LIMCH1: variants seen among roughly 807,000 people sequenced by gnomAD.
LIMCH1 encodes LIM and calponin homology domains 1, also known as LIM and calponin homology domains-containing protein 1.
LIMCH1 carries 113 observed loss-of-function variants against 176.5 expected under a neutral mutation model. That is an observed-to-expected ratio of 0.64 (90% CI 0.55 to 0.75). The LOEUF is 0.75. LIMCH1 is among the 30% of genes least tolerant of loss of function. LIMCH1 has a pLI of 0.00. For missense variants in LIMCH1, 1,674 were observed against 1,814.9 expected, an observed-to-expected ratio of 0.92 and a Z score of 1.41; for synonymous variants, 619 against 645.9, an observed-to-expected ratio of 0.96 and a Z score of 0.63.
chr4:41,647,915 A>C (rs776087604), intron 17 of LIMCH1, among the ~76,000 whole-genome samples: 14 of 152,224 alleles, frequency 9.2e-5, no homozygotes, highest in Non-Finnish European at 1.9e-4. Context: ...GGCAGGGGCC[A>C]TGTCTCTGTC....
intron 1 of LIMCH1, among the ~76,000 whole-genome samples, chr4:41,591,461 C>G (rs556188092): frequency 4.2e-4 from 64 of 152,262 alleles, no homozygotes; most frequent in African/African-American, 1.3e-3. Context: ...CCAGGCTGGT[C>G]TTGAACTTCT....
chr4:41,533,553 A>C (rs2077554434), upstream of LIMCH1, among the ~76,000 whole-genome samples: 2 of 152,208 alleles, frequency 1.3e-5, no homozygotes, highest in Admixed American at 6.5e-5. Flanking sequence ...TCTTCTGCAC[A>C]TATATACCAA....
At chr4:41,393,840 T>C (rs1334264848) in intron 1 of LIMCH1, among the ~76,000 whole-genome samples, 1 of 152,218 alleles carries the variant, frequency 6.6e-6, no homozygotes, top group Non-Finnish European at 1.5e-5. Flanking sequence ...AAAAATTTCT[T>C]TTATTCAAAA....
intron 7 of LIMCH1, among the ~76,000 whole-genome samples, chr4:41,624,474 C>T (rs1360693913): frequency 6.6e-6 from 1 of 151,812 alleles, no homozygotes; most frequent in Non-Finnish European, 1.5e-5. Context: ...ACCAGTCAGG[C>T]ACATAACTTG....
At chr4:41,399,840 A>ATTTTTCTT (rs765832457) in intron 1 of LIMCH1, among the ~76,000 whole-genome samples, 1 of 114,134 alleles carries the variant, frequency 8.8e-6, no homozygotes, top group Non-Finnish European at 1.7e-5. Flanking sequence ...TGCCCGGCTA[A>ATTTTTCTT]TTTTTTTTTT....
chr4:41,400,858 G>T (rs879723918), intron 1 of LIMCH1, among the ~76,000 whole-genome samples: 13 of 152,166 alleles, frequency 8.5e-5, no homozygotes, highest in Non-Finnish European at 1.9e-4. Flanking sequence ...AAGTGTTCTT[G>T]GAGCCCGCTT....
intron 5 of LIMCH1, among the ~76,000 whole-genome samples, chr4:41,614,150 CTGTT>C (rs2091795833): frequency 1.3e-5 from 2 of 152,192 alleles, no homozygotes; most frequent in African/African-American, 4.8e-5. Context: ...TTTTGGCAAT[CTGTT>C]TGATGCTTGT....
chr4:41,626,992 G>T lies in LIMCH1; in HGVS notation c.1010G>T (p.Arg337Ile). ...CTCTCAAAGGGAATCTCAAAAAAAAGAAGTCTAGAATATAAAAGGTGTGCA... is the reference window on the plus strand; with the variant it reads ...CTCTCAAAGGGAATCTCAAAAAAAATAAGTCTAGAATATAAAAGGTGTGCA... Reference protein sequence around the residue: ...KQLSKGISKKRSLEYKRNQGH... With the variant: ...KQLSKGISKKISLEYKRNQGH... Residue 337 changes from arginine (R) to isoleucine (I), a missense_variant, in exon 8 of 32, where the codon AGA (arginine) becomes ATA (isoleucine). By Grantham distance (97) the Arg-to-Ile change is moderately conservative (BLOSUM62 -3). Around this residue, in one of 3 missense-constraint regions of LIMCH1, gnomAD observed 655 missense variants for 692.2 expected, o/e 0.95. Coordinates refer to ENST00000503057, the MANE Select transcript of LIMCH1 (RefSeq NM_001330672.2). The T allele has an allele frequency of 6.5e-7, 1 of 1,532,424 alleles. No individual in the cohort carries two copies. 94.9% of individuals were successfully genotyped at this position (1,532,424 alleles called of 1,614,324 possible).
At chr4:41,598,425 G>C (rs2089310956) in intron 1 of LIMCH1, among the ~76,000 whole-genome samples, 1 of 150,822 alleles carries the variant, frequency 6.6e-6, no homozygotes, top group Non-Finnish European at 1.5e-5. Flanking sequence ...TCCACAAAGA[G>C]GTATTACTAG....
At chr4:41,693,359 T>C (rs1000192413) in intron 31 of LIMCH1, 1 of 152,322 alleles carries the variant, frequency 6.6e-6, no homozygotes, top group African/African-American at 2.4e-5. Context: ...TAATTTGTTT[T>C]ATAGCTATAG....
intron 1 of LIMCH1, among the ~76,000 whole-genome samples, chr4:41,430,231 TG>T (rs781545967): frequency 2.1e-4 from 32 of 152,196 alleles, no homozygotes; most frequent in Admixed American, 5.2e-4. Flanking sequence ...GAAGCTAAGA[TG>T]TTTTTAAAAC....
intron 4 of LIMCH1, chr4:41,609,650 A>C (rs1411806458): frequency 2.2e-6 from 1 of 455,978 alleles, no homozygotes; most frequent in Admixed American, 2.3e-5. Flanking sequence ...GGGGGATAGG[A>C]GGAAGATGAG....
At chr4:41,404,834 A>G (rs2058801228) in intron 1 of LIMCH1, among the ~76,000 whole-genome samples, 1 of 152,128 alleles carries the variant, frequency 6.6e-6, no homozygotes, top group Admixed American at 6.5e-5. Flanking sequence ...CAAGGACCCA[A>G]TATGTGATTC....
intron 2 of LIMCH1, among the ~76,000 whole-genome samples, chr4:41,500,503 C>G (rs1260681697): frequency 6.6e-6 from 1 of 152,092 alleles, no homozygotes. Context: ...ACAAATACAA[C>G]CAGAATATAG....
At chr4:41,468,708 G>A (rs114244637) in intron 1 of LIMCH1, among the ~76,000 whole-genome samples, 2,027 of 151,960 alleles carry the variant, frequency 0.013, 43 homozygotes, top group African/African-American at 0.047. Context: ...AAGGTATCTC[G>A]TTTTCTGTCA....
At chr4:41,366,768 A>C (rs1032599665) in intron 1 of LIMCH1, among the ~76,000 whole-genome samples, 2 of 152,248 alleles carry the variant, frequency 1.3e-5, no homozygotes, top group South Asian at 2.1e-4. Flanking sequence ...CTGTGATAAA[A>C]TTCCATGTTT....
At chr4:41,656,792 A>G (rs1301261971) in intron 18 of LIMCH1, among the ~76,000 whole-genome samples, 1 of 152,186 alleles carries the variant, frequency 6.6e-6, no homozygotes, top group African/African-American at 2.4e-5. Flanking sequence ...TTGCTCGGGA[A>G]AGGACGTTGG....
chr4:41,600,855 G>C (rs777467242), intron 2 of LIMCH1, among the ~76,000 whole-genome samples: 2 of 152,134 alleles, frequency 1.3e-5, no homozygotes, highest in Non-Finnish European at 2.9e-5. Context: ...AAAATGTCAC[G>C]TAGGCAAGTG....
chr4:41,670,897 A>G, intron 21 of LIMCH1: 1 of 1,480,314 alleles, frequency 6.8e-7, no homozygotes, highest in Non-Finnish European at 8.9e-7. Context: ...TGGGGAAAAA[A>G]TTATTTCTTA....
Sources: gnomAD v4.1 joint callset for allele counts (sites outside exome capture counted in the v4.1 genomes callset) on GRCh38, gnomAD v4.1.1 for gene constraint, gnomAD v4.1.1 regional missense constraint, MANE v1.5 for transcripts, NCBI Gene and HGNC (gene_info 2026-07-23, HGNC 2026-07-21) for gene names.